MYO5B: variants seen among roughly 807,000 people sequenced by gnomAD.
The protein encoded by MYO5B is unconventional myosin-Vb.
MYO5B carries 143 observed loss-of-function variants against 229.3 expected under a neutral mutation model. That is an observed-to-expected ratio of 0.62 (90% confidence interval 0.54 to 0.72). The LOEUF (loss-of-function observed/expected upper bound fraction) is 0.72. MYO5B is among the 30% of genes least tolerant of loss of function. The probability of loss-of-function intolerance (pLI) is 0.00; values close to 1 mark genes in which losing one functional copy is unlikely to be tolerated. For missense variants in MYO5B, 2,321 were observed against 2,331.0 expected (o/e 1.00, Z 0.09); for synonymous variants, 918 against 885.2 (o/e 1.04, Z -0.66).
rs1438630801 is a variant in MYO5B at position 50,182,434 on chromosome 18, TG to T, written c.27+12332del. Among the ~76,000 whole-genome samples the T allele has an allele frequency of 3.3e-5, 5 of 152,090 alleles. No homozygotes were observed. The East Asian group carries it at 9.6e-4, about 29-fold the overall frequency. On this transcript the variant is annotated intron_variant, in intron 1 of 39. Coordinates refer to ENST00000285039, the MANE Select transcript of MYO5B (RefSeq NM_001080467.3). ...TGTTAATAAAACCTTTTGAGTTAAT[TG>T]GGGGAAAAATAGGAGACTGTGCTCT...
intron 12 of MYO5B, among the ~76,000 whole-genome samples, chr18:49,955,397 G>A (rs1391049939): frequency 3.9e-5 from 6 of 152,176 alleles, no homozygotes; most frequent in Non-Finnish European, 8.8e-5. Context: ...CCTGGTCATC[G>A]CTGCACACAC....
chr18:49,930,110 A>G (rs1344998228), intron 16 of MYO5B, among the ~76,000 whole-genome samples: 2 of 152,288 alleles, frequency 1.3e-5, no homozygotes, highest in Non-Finnish European at 2.9e-5. Flanking sequence ...AAGTCACTTC[A>G]TGTCCCCTTG....
intron 1 of MYO5B, among the ~76,000 whole-genome samples, chr18:50,179,600 A>G (rs1482782365): frequency 1.3e-5 from 2 of 152,188 alleles, no homozygotes; most frequent in Non-Finnish European, 2.9e-5. Flanking sequence ...CAGAGGTGAG[A>G]AGACAAGGAA....
chr18:50,134,795 T>C (rs191086286), intron 1 of MYO5B, among the ~76,000 whole-genome samples: 123 of 152,268 alleles, frequency 8.1e-4, no homozygotes, highest in Middle Eastern at 6.8e-3. Flanking sequence ...ATTTTTGTCT[T>C]CCAAGTCAAC....
intron 7 of MYO5B, among the ~76,000 whole-genome samples, chr18:49,988,708 G>A (rs2025897632): frequency 6.6e-6 from 1 of 152,164 alleles, no homozygotes; most frequent in Non-Finnish European, 1.5e-5. Flanking sequence ...CCTATGTTCT[G>A]CTCTGGGAAG....
chr18:50,058,136 T>C (rs546258352), intron 1 of MYO5B, among the ~76,000 whole-genome samples: 20 of 152,366 alleles, frequency 1.3e-4, no homozygotes, highest in South Asian at 4.1e-4. Flanking sequence ...CATTCATTCA[T>C]TGATGTATTA....
intron 1 of MYO5B, among the ~76,000 whole-genome samples, chr18:50,149,608 G>A (rs1310583569): frequency 5.5e-4 from 71 of 130,202 alleles, no homozygotes; most frequent in Middle Eastern, 4.1e-3. Context: ...TTAATAAATG[G>A]TGCTGGGAAA....
intron 4 of MYO5B, among the ~76,000 whole-genome samples, chr18:50,025,431 C>T (rs531319717): frequency 2.0e-4 from 31 of 152,258 alleles, no homozygotes; most frequent in Non-Finnish European, 2.4e-4. Flanking sequence ...AACTCCAGCC[C>T]GGAACTCCTC....
At chr18:49,995,480 C>T (rs1055093985) in intron 5 of MYO5B, among the ~76,000 whole-genome samples, 2 of 151,666 alleles carry the variant, frequency 1.3e-5, no homozygotes, top group Admixed American at 1.3e-4. Flanking sequence ...AGGATGGTCT[C>T]GATCTCCTGA....
chr18:49,941,595 C>T (rs1453312614), intron 14 of MYO5B, among the ~76,000 whole-genome samples: 1 of 152,070 alleles, frequency 6.6e-6, no homozygotes, highest in Non-Finnish European at 1.5e-5. Flanking sequence ...TAAGGATGCC[C>T]CCAAGTGTTA....
At chr18:50,036,707 A>T in intron 4 of MYO5B, 143 bp downstream of exon 4, 1 of 926,790 alleles carries the variant, frequency 1.1e-6, no homozygotes, top group Non-Finnish European at 1.7e-6. Flanking sequence ...AGGCAGTAGA[A>T]CTTGGGCTGC....
chr18:50,066,925 C>G (rs975933952), intron 1 of MYO5B, among the ~76,000 whole-genome samples: 3 of 152,156 alleles, frequency 2.0e-5, no homozygotes, highest in African/African-American at 7.2e-5. Context: ...CCACAGCTAC[C>G]TCAAACTCCT....
At chr18:49,869,271 A>T (rs868039559) in intron 27 of MYO5B, among the ~76,000 whole-genome samples, 1 of 152,230 alleles carries the variant, frequency 6.6e-6, no homozygotes. Flanking sequence ...TTCCATTATT[A>T]TAAAAAATAC....
chr18:49,997,099 C>T (rs2025995884), intron 5 of MYO5B, among the ~76,000 whole-genome samples: 1 of 151,862 alleles, frequency 6.6e-6, no homozygotes, highest in African/African-American at 2.4e-5. Context: ...GACCCTGTCT[C>T]TACTGAAAAA....
intron 1 of MYO5B, among the ~76,000 whole-genome samples, chr18:50,162,400 G>A (rs1289440408): frequency 2.0e-5 from 3 of 152,078 alleles, no homozygotes; most frequent in African/African-American, 7.2e-5. Flanking sequence ...AAAAGTTAAG[G>A]GAAGCAGTAA....
intron 1 of MYO5B, among the ~76,000 whole-genome samples, chr18:50,090,181 G>A (rs1483983999): frequency 6.6e-6 from 1 of 151,966 alleles, no homozygotes; most frequent in Non-Finnish European, 1.5e-5. Context: ...CCAGCATGAG[G>A]ACAAAGAACC....
Position 50,055,331 on chromosome 18 carries a change from A to T in MYO5B, c.75T>A (p.Ala25=). 1 of 1,609,720 alleles carries T rather than the reference A, an allele frequency of 6.2e-7. No homozygotes were observed. The highest frequency in any genetic ancestry group is 1.7e-5 in the Admixed American group (1 of 58,726). The change falls in exon 2 of 40, where the codon GCT becomes GCA. Residue 25 remains alanine, a synonymous_variant. Coordinates refer to ENST00000285039, the MANE Select transcript of MYO5B (RefSeq NM_001080467.3). ...IPDPDEVWRS[A]ELTKDYKEGD... ...CTTCTTTGTAGTCCTTGGTTAACTCAGCTGAGCGCCATACCTCATCAGGGT... is the reference window on the plus strand; with the variant it reads ...CTTCTTTGTAGTCCTTGGTTAACTCTGCTGAGCGCCATACCTCATCAGGGT...
At chr18:49,833,988 T>G (rs1370402381) in intron 39 of MYO5B, among the ~76,000 whole-genome samples, 1 of 152,218 alleles carries the variant, frequency 6.6e-6, no homozygotes, top group Non-Finnish European at 1.5e-5. Context: ...CAACCTTTAG[T>G]CTGACTAGGC....
At chr18:49,843,187 G>A in intron 34 of MYO5B, 54 bp downstream of exon 34, 1 of 1,606,066 alleles carries the variant, frequency 6.2e-7, no homozygotes, top group East Asian at 2.2e-5. Flanking sequence ...AACAGTAAGG[G>A]GCTGGCTTCA....
Sources: allele counts gnomAD v4.1 joint callset (sites outside exome capture counted in the v4.1 genomes callset), GRCh38; gene constraint gnomAD v4.1.1; transcripts MANE v1.5; gene names NCBI Gene and HGNC (gene_info 2026-07-23, HGNC 2026-07-21).